TCAF2: variants seen among roughly 807,000 people sequenced by gnomAD.
The protein encoded by TCAF2 is TRPM8 channel associated factor 2.
Under a neutral mutation model 33.9 loss-of-function variants are expected in TCAF2, and 6 were observed. The ratio of observed to expected loss-of-function variants is 0.18; its 90% CI spans 0.10 to 0.35. The LOEUF is 0.35. TCAF2 is among the 10% of genes least tolerant of loss of function. The pLI, the probability that TCAF2 is intolerant of heterozygous loss-of-function variation, is 1.00. For synonymous variants in TCAF2, 41 were observed against 247.8 expected (o/e 0.17, Z 7.84); for missense variants, 109 against 604.0 (o/e 0.18, Z 8.59).
At position 143,728,804 on chromosome 7, in the gene TCAF2, A is replaced by G. The variant is rs1809743731; in HGVS notation, c.*1137A>G. 1 of 152,198 alleles carries G rather than the reference A, an allele frequency of 6.6e-6. No individual in the cohort carries two copies. The highest frequency in any genetic ancestry group is 2.1e-4 in the South Asian group (1 of 4,826). 9.4% of individuals were successfully genotyped at this position (152,198 alleles called of 1,614,324 possible). A position where few individuals can be genotyped will look rare whatever the true frequency, so the allele number is the denominator to read the frequency against. ...TCTAGCCCATCTTGACTCTTCGGTT[A>G]GAGGGAGTTCTCATTGGAGATTTGT... On this transcript the variant is annotated 3_prime_UTR_variant, in exon 8 of 8. Coordinates refer to ENST00000684770, the MANE Select transcript of TCAF2 (RefSeq NM_001363538.2).
At position 143,729,396 on chromosome 7, in the gene TCAF2, T is replaced by G. The variant is rs1809759565; in HGVS notation, c.*1729T>G. ...TTTAAACAAAATGTCACCTAGAAAA[T>G]AGATGAAAATATGTTCAACCAGGTC... On this transcript the variant is annotated 3_prime_UTR_variant, in exon 8 of 8. Coordinates refer to ENST00000684770, the MANE Select transcript of TCAF2 (RefSeq NM_001363538.2). The G allele has an allele frequency of 6.6e-6, 1 of 152,122 alleles. No individual in the cohort carries two copies. The highest frequency in any genetic ancestry group is 6.5e-5 in the Admixed American group (1 of 15,284). The allele number at this position is 152,122 out of a possible 1,614,324, so 9.4% of individuals were successfully genotyped here.
rs768522129 is a variant in TCAF2 at position 143,729,288 on chromosome 7, G to A, written c.*1621G>A. On this transcript the variant is annotated 3_prime_UTR_variant, in exon 8 of 8. Coordinates refer to ENST00000684770, the MANE Select transcript of TCAF2 (RefSeq NM_001363538.2). ...AATAAGTTTTTTGAAGTCACAAAGT[G>A]AATAAAAGGAAGAACCAGGGTTTAA... 1 of 152,260 alleles carries A rather than the reference G, an allele frequency of 6.6e-6. No homozygotes were observed. The highest frequency in any genetic ancestry group is 3.4e-3 in the Middle Eastern group (1 of 294). The allele number at this position is 152,260 out of a possible 1,614,324, so 9.4% of individuals were successfully genotyped here.
rs1402087912 is a variant in TCAF2 at position 143,729,061 on chromosome 7, A to C, written c.*1394A>C. 1 of 152,212 alleles carries C rather than the reference A, an allele frequency of 6.6e-6. No individual in the cohort carries two copies. Among genetic ancestry groups the C allele is most frequent in the Non-Finnish European group, 1.5e-5 (1 of 68,040 alleles). 9.4% of individuals were successfully genotyped at this position (152,212 alleles called of 1,614,324 possible). A position where few individuals can be genotyped will look rare whatever the true frequency, so the allele number is the denominator to read the frequency against. On this transcript the variant is annotated 3_prime_UTR_variant, in exon 8 of 8. Transcript: ENST00000684770. ...TAGTACCCTTTGCCAGGGGCTCTAC[A>C]CATCAAAGGTGTTCATGAAGTATTT...
At position 143,647,905 on chromosome 7, in the gene TCAF2, C is replaced by CT. The variant is rs1554471808; in HGVS notation, c.-12+26888dup. Among the ~76,000 whole-genome samples the CT allele has an allele frequency of 1.0e-4, 15 of 144,852 alleles. 1 individual carries two copies. The highest frequency in any genetic ancestry group is 1.8e-4 in the Non-Finnish European group (12 of 65,806). Reference sequence around the variant, plus strand: ...TGTTTAGTCTTTCTTTCTTTTCTTTCTTTCTTTTCTTTCTTTCTTTCTTTT... The same window carrying CT: ...TGTTTAGTCTTTCTTTCTTTTCTTTCTTTTCTTTTCTTTCTTTCTTTCTTTT... On this transcript the variant is annotated intron_variant, in intron 1 of 7. Transcript: ENST00000684770.
Position 143,724,595 on chromosome 7 carries a change from T to C in TCAF2, c.2403T>C (p.Ala801=). Residue 801 remains alanine (A), a synonymous_variant, in exon 7 of 8, where the codon GCT becomes GCC. Transcript: ENST00000684770. ...TCCCCAGGGCTCAGGCCCACGAGGC[T>C]CTGAGCCCTCCAGAGCGAGAGAGGA... is the stretch of plus-strand genomic sequence containing the variant. ...LGIPRAQAHE[A]LSPPERERRI... The C allele has an allele frequency of 6.2e-7, 1 of 1,610,820 alleles. No homozygotes were observed. The highest frequency in any genetic ancestry group is 8.5e-7 in the Non-Finnish European group (1 of 1,179,554).
At chr7:143,636,807 A>G (rs1403498873) in intron 1 of TCAF2, among the ~76,000 whole-genome samples, 199 of 13,310 alleles carry the variant, frequency 0.015, 34 homozygotes, top group South Asian at 0.032. Context: ...AAAGTTTGAC[A>G]TGGATCATCT....
chr7:143,730,046 T>C lies in TCAF2; in HGVS notation c.*2379T>C, dbSNP rs192439409. ...GGTTGGTTCCAAGTCTTTGCTATTG[T>C]AAATAATGCTGCAATAAAAGTATGT... On this transcript the variant is annotated 3_prime_UTR_variant, in exon 8 of 8. Transcript: ENST00000684770. 2 of 152,304 alleles carry C rather than the reference T, an allele frequency of 1.3e-5. No homozygotes were observed. Among genetic ancestry groups the C allele is most frequent in the East Asian group, 3.9e-4 (2 of 5,178 alleles). 9.4% of individuals were successfully genotyped at this position (152,304 alleles called of 1,614,324 possible).
intron 1 of TCAF2, among the ~76,000 whole-genome samples, chr7:143,701,789 T>C (rs575750833): frequency 3.3e-5 from 4 of 122,750 alleles, no homozygotes; most frequent in Non-Finnish European, 7.0e-5. Context: ...TTATTTTATT[T>C]TATTTTATTT....
At position 143,728,067 on chromosome 7, in the gene TCAF2, A is replaced by T. The variant is rs1182462577; in HGVS notation, c.*400A>T. 5.4e-6 allele frequency: 1 copy of T among 183,536 alleles called. No individual in the cohort carries two copies. The highest frequency in any genetic ancestry group is 1.2e-5 in the Non-Finnish European group (1 of 86,322). The allele number at this position is 183,536 out of a possible 1,614,324, so 11.4% of individuals were successfully genotyped here. A position where few individuals can be genotyped will look rare whatever the true frequency, so the allele number is the denominator to read the frequency against. On this transcript the variant is annotated 3_prime_UTR_variant, in exon 8 of 8. Coordinates refer to ENST00000684770, the MANE Select transcript of TCAF2 (RefSeq NM_001363538.2). Reference sequence around the variant, plus strand: ...ATTATGCTTTAACAAGTTTTCAAATAGCAAGCGAGACACGCTGGAATAGTG... The same window carrying T: ...ATTATGCTTTAACAAGTTTTCAAATTGCAAGCGAGACACGCTGGAATAGTG...
rs1227140404 is a variant in TCAF2 at position 143,728,621 on chromosome 7, C to G, written c.*954C>G. On this transcript the variant is annotated 3_prime_UTR_variant, in exon 8 of 8. Transcript: ENST00000684770. ...TTCATACCACAAAACAGGCATCTGA[C>G]TCCTCTGGTCACCATGGAATCAAGG... The G allele has an allele frequency of 6.6e-6, 1 of 152,222 alleles. No homozygotes were observed. The highest frequency in any genetic ancestry group is 1.5e-5 in the Non-Finnish European group (1 of 68,064). The allele number at this position is 152,222 out of a possible 1,614,324, so 9.4% of individuals were successfully genotyped here.
intron 7 of TCAF2, chr7:143,724,952 A>T: frequency 1.8e-6 from 2 of 1,128,484 alleles, no homozygotes; most frequent in Non-Finnish European, 2.3e-6. Context: ...TGAAAAAAAT[A>T]GAAATATAGC....
rs1261673003 is a variant in TCAF2 at position 143,730,410 on chromosome 7, A to C, written c.*2743A>C. The C allele has an allele frequency of 6.6e-6, 1 of 152,062 alleles. No homozygotes were observed. Among genetic ancestry groups the C allele is most frequent in the Non-Finnish European group, 1.5e-5 (1 of 67,996 alleles). 9.4% of individuals were successfully genotyped at this position (152,062 alleles called of 1,614,324 possible). On this transcript the variant is annotated 3_prime_UTR_variant, in exon 8 of 8. Transcript: ENST00000684770. Reference sequence around the variant, plus strand: ...TTGGCCACATAAATGTCTTCTTTTGAGAAGTGTCTGTTCATATCCTTTGCC... The same window carrying C: ...TTGGCCACATAAATGTCTTCTTTTGCGAAGTGTCTGTTCATATCCTTTGCC...
In TCAF2 at chr7:143,727,633, AC is replaced by A; in HGVS notation, c.2730del (p.Met911CysfsTer49). 1.4e-6 allele frequency: 1 copy of A among 731,108 alleles called. No individual in the cohort carries two copies. Among genetic ancestry groups the A allele is most frequent in the Non-Finnish European group, 2.2e-6 (1 of 452,748 alleles). The allele number at this position is 731,108 out of a possible 1,614,324, so 45.3% of individuals were successfully genotyped here. ...SLASLPEWQE[N>X]PMQVYLRARK ...GCCTCCCTACCAGAGTGGCAGGAAAACCCCATGCAAGTGTACCTCCGTGCCA... is the reference window on the plus strand; with the variant it reads ...GCCTCCCTACCAGAGTGGCAGGAAAACCCATGCAAGTGTACCTCCGTGCCA... On this transcript the variant is annotated frameshift_variant, in exon 8 of 8. Transcript: ENST00000684770. LOFTEE classifies it low-confidence loss of function (END_TRUNC).
chr7:143,634,846 A>G (rs1586671506), intron 1 of TCAF2, among the ~76,000 whole-genome samples: 1 of 105,862 alleles, frequency 9.4e-6, no homozygotes, highest in Non-Finnish European at 2.1e-5. Flanking sequence ...TGATGGAGAC[A>G]GTTTTTAAAG....
rs1809780087 is a variant in TCAF2 at position 143,730,098 on chromosome 7, T to C, written c.*2431T>C. ...TGCATGTGTCTTTATAGTAGAATGG[T>C]TTATAGTCCTTTGGGTGTATATCCA... On this transcript the variant is annotated 3_prime_UTR_variant, in exon 8 of 8. Transcript: ENST00000684770. The C allele has an allele frequency of 6.6e-6, 1 of 152,170 alleles. No homozygotes were observed. The highest frequency in any genetic ancestry group is 1.5e-5 in the Non-Finnish European group (1 of 68,036). The allele number at this position is 152,170 out of a possible 1,614,324, so 9.4% of individuals were successfully genotyped here.
chr7:143,702,907 TC>T, intron 1 of TCAF2, 76 bp from the exon 2 acceptor site: 1 of 207,048 alleles, frequency 4.8e-6, no homozygotes, highest in Non-Finnish European at 7.3e-6. Flanking sequence ...TTTCACCTGT[TC>T]CTTCATCTGT....
intron 1 of TCAF2, among the ~76,000 whole-genome samples, chr7:143,701,811 ATTTTAT>A (rs1809176016): frequency 8.5e-6 from 1 of 117,024 alleles, no homozygotes; most frequent in Non-Finnish European, 1.8e-5. Flanking sequence ...ATTTTATTTT[ATTTTAT>A]TTTATTTTAT....
In TCAF2 at chr7:143,714,129, A is replaced by G. The variant is rs1296224947; in HGVS notation, c.624-5554A>G. Among the ~76,000 whole-genome samples, 11 of 68,714 alleles carry G rather than the reference A, an allele frequency of 1.6e-4. 4 individuals carry two copies. Among genetic ancestry groups the G allele is most frequent in the African/African-American group, 7.9e-4 (11 of 13,872 alleles). 45.1% of individuals were successfully genotyped at this position (68,714 alleles called of 152,430 possible). ...TTTAAGAAATTAAAAATACAAAAAA[A>G]AAGATACTCAAGTGTTGGGGGCTGC... On this transcript the variant is annotated intron_variant, in intron 2 of 7. Coordinates refer to ENST00000684770, the MANE Select transcript of TCAF2 (RefSeq NM_001363538.2).
chr7:143,724,546 A>G lies in TCAF2; in HGVS notation c.2354A>G (p.Tyr785Cys). Residue 785 changes from tyrosine to cysteine, a missense_variant, in exon 7 of 8, where the codon TAC (tyrosine) becomes TGC (cysteine). By Grantham distance (194) the Tyr-to-Cys change is radical. Transcript: ENST00000684770. ...GCCACCTGTAACCTTTGGTCAGTCT[A>G]CGTGCATGAAACAGTCCTGGGGATC... ...TEATCNLWSV[Y>C]VHETVLGIPR... The G allele has an allele frequency of 6.2e-7, 1 of 1,610,864 alleles. No individual in the cohort carries two copies. The highest frequency in any genetic ancestry group is 8.5e-7 in the Non-Finnish European group (1 of 1,179,426).
Sources: gnomAD v4.1 joint callset for allele counts (sites outside exome capture counted in the v4.1 genomes callset) on GRCh38, gnomAD v4.1.1 for gene constraint, MANE v1.5 for transcripts, NCBI Gene and HGNC (gene_info 2026-07-23, HGNC 2026-07-21) for gene names.